Variants in TMEFF2 observed in about 807,000 individuals in gnomAD.
TMEFF2 encodes the protein tomoregulin-2.
A neutral mutation model predicts 53.8 loss-of-function variants in TMEFF2; 28 were observed. The observed-to-expected ratio is 0.52, with a 90% confidence interval of 0.39 to 0.71. TMEFF2 has a LOEUF of 0.71. Among genes scored for constraint, TMEFF2 ranks in the 30% least tolerant of loss-of-function variants. The pLI, the probability that TMEFF2 is intolerant of heterozygous loss-of-function variation, is 0.00. For missense variants in TMEFF2, 353 were observed against 455.2 expected (o/e 0.78, Z 2.04); for synonymous variants, 162 against 166.3 (o/e 0.97, Z 0.20).
At chr2:191,997,545 C>A (rs1346553095) in intron 7 of TMEFF2, among the ~76,000 whole-genome samples, 1 of 151,364 alleles carries the variant, frequency 6.6e-6, no homozygotes, top group African/African-American at 2.4e-5. Flanking sequence ...CATTATCAAC[C>A]TATATACTAT....
At chr2:192,101,609 C>T (rs1574373470) in intron 4 of TMEFF2, among the ~76,000 whole-genome samples, 3 of 152,042 alleles carry the variant, frequency 2.0e-5, no homozygotes, top group Admixed American at 2.0e-4. Context: ...TATAAAGAAC[C>T]AAAGTGAGAA....
At position 192,165,809 on chromosome 2, in the gene TMEFF2, T is replaced by C. The variant is rs147077059; in HGVS notation, c.439+13859A>G. The stretch of plus-strand genomic sequence containing the variant: ...CTCCCTCAGCATTAGCAGTAGATAC[T>C]GTGTGCTAGAAATGTCAGAAATCAT... On this transcript the variant is annotated intron_variant, in intron 4 of 9. Coordinates refer to ENST00000272771, the MANE Select transcript of TMEFF2 (RefSeq NM_016192.4). Among the ~76,000 whole-genome samples, 65 of 152,256 alleles carry C rather than the reference T, an allele frequency of 4.3e-4. No individual in the cohort carries two copies. The East Asian group carries it at 0.012, about 28-fold the overall frequency.
chr2:192,020,310 A>G (rs533374286), intron 5 of TMEFF2, among the ~76,000 whole-genome samples: 6 of 152,240 alleles, frequency 3.9e-5, no homozygotes, highest in African/African-American at 1.4e-4. Context: ...ACTTGCATAC[A>G]TATAAAAAGT....
At chr2:192,063,785 C>A (rs1421454080) in intron 4 of TMEFF2, among the ~76,000 whole-genome samples, 2 of 151,640 alleles carry the variant, frequency 1.3e-5, no homozygotes, top group African/African-American at 2.4e-5. Flanking sequence ...ATAAGTGATT[C>A]TTTTATCATT....
intron 4 of TMEFF2, among the ~76,000 whole-genome samples, chr2:192,134,497 C>T (rs1360809279): frequency 6.6e-6 from 1 of 152,204 alleles, no homozygotes; most frequent in East Asian, 1.9e-4. Context: ...CATTTCCTTT[C>T]CATCGTGGAA....
At chr2:192,189,889 A>G (rs1009401366) in intron 2 of TMEFF2, among the ~76,000 whole-genome samples, 24 of 152,332 alleles carry the variant, frequency 1.6e-4, no homozygotes, top group Admixed American at 1.4e-3. Context: ...CAGATTGACA[A>G]CTATTGCAAA....
chr2:191,990,105 C>G (rs182252678), intron 7 of TMEFF2, among the ~76,000 whole-genome samples: 83 of 152,224 alleles, frequency 5.5e-4, no homozygotes, highest in African/African-American at 1.9e-3. Context: ...CTTGTTATGC[C>G]TGGAGTTTGG....
chr2:191,969,777 A>G (rs1692582528), intron 7 of TMEFF2, among the ~76,000 whole-genome samples: 1 of 152,196 alleles, frequency 6.6e-6, no homozygotes, highest in Admixed American at 6.5e-5. Context: ...AAGGCATACC[A>G]TCTCTTCTCA....
At chr2:192,107,213 T>C (rs1689169712) in intron 4 of TMEFF2, among the ~76,000 whole-genome samples, 1 of 151,790 alleles carries the variant, frequency 6.6e-6, no homozygotes, top group Non-Finnish European at 1.5e-5. Context: ...GCATGAATAA[T>C]ATTAATGTTA....
At chr2:192,085,784 A>G (rs1409400837) in intron 4 of TMEFF2, among the ~76,000 whole-genome samples, 2 of 152,134 alleles carry the variant, frequency 1.3e-5, no homozygotes, top group Non-Finnish European at 2.9e-5. Flanking sequence ...CCTAGCATAC[A>G]AATGTACAAA....
intron 4 of TMEFF2, among the ~76,000 whole-genome samples, chr2:192,065,211 G>A (rs933429141): frequency 6.6e-6 from 1 of 151,630 alleles, no homozygotes; most frequent in Non-Finnish European, 1.5e-5. Flanking sequence ...CCAATGTAAC[G>A]CTACTCTTCC....
chr2:192,116,445 C>T (rs1204857539), intron 4 of TMEFF2, among the ~76,000 whole-genome samples: 8 of 151,888 alleles, frequency 5.3e-5, no homozygotes, highest in South Asian at 2.1e-4. Context: ...GTATTGTATA[C>T]GTGAAACTTG....
At chr2:192,129,529 G>A (rs1010065174) in intron 4 of TMEFF2, among the ~76,000 whole-genome samples, 1 of 152,178 alleles carries the variant, frequency 6.6e-6, no homozygotes, top group Non-Finnish European at 1.5e-5. Context: ...AGTGGAACAA[G>A]AGTTTGAGGA....
chr2:192,043,194 T>C (rs1019281121), intron 5 of TMEFF2, among the ~76,000 whole-genome samples: 10 of 152,128 alleles, frequency 6.6e-5, no homozygotes, highest in African/African-American at 7.2e-5. Flanking sequence ...AAAAAATAGA[T>C]GGAAAGCCTA....
intron 4 of TMEFF2, among the ~76,000 whole-genome samples, chr2:192,117,301 TTAAAA>T (rs1689436729): frequency 6.6e-6 from 1 of 152,178 alleles, no homozygotes; most frequent in Admixed American, 6.5e-5. Flanking sequence ...ATAAGTAGAC[TTAAAA>T]TTATTTAATA....
At chr2:192,048,849 G>C (rs1176459209) in intron 5 of TMEFF2, among the ~76,000 whole-genome samples, 1 of 152,146 alleles carries the variant, frequency 6.6e-6, no homozygotes, top group African/African-American at 2.4e-5. Context: ...TTTGGTGAAG[G>C]TATGTCTCTT....
chr2:192,176,543 G>A (rs147161230), intron 4 of TMEFF2, among the ~76,000 whole-genome samples: 2 of 151,284 alleles, frequency 1.3e-5, no homozygotes, highest in African/African-American at 4.8e-5. Context: ...GGGTCATGTT[G>A]GAAGCACAGT....
chr2:192,048,740 G>A (rs994326119), intron 5 of TMEFF2, among the ~76,000 whole-genome samples: 1 of 152,000 alleles, frequency 6.6e-6, no homozygotes, highest in African/African-American at 2.4e-5. Flanking sequence ...TCTTACAGCA[G>A]AAATAGACAT....
At chr2:192,128,116 A>G (rs1689721962) in intron 4 of TMEFF2, among the ~76,000 whole-genome samples, 1 of 149,874 alleles carries the variant, frequency 6.7e-6, no homozygotes, top group African/African-American at 2.5e-5. Context: ...CCTTTCACTC[A>G]TTAAACTTAG....
Sources: gnomAD v4.1 joint callset for allele counts (sites outside exome capture counted in the v4.1 genomes callset) on GRCh38, gnomAD v4.1.1 for gene constraint, MANE v1.5 for transcripts, NCBI Gene and HGNC (gene_info 2026-07-23, HGNC 2026-07-21) for gene names.